Variants in ACBD6 observed in about 807,000 individuals in gnomAD.
ACBD6 encodes the protein acyl-CoA-binding domain-containing protein 6.
A neutral mutation model predicts 37.2 loss-of-function variants in ACBD6; 28 were observed. The observed-to-expected ratio is 0.75, with a 90% CI of 0.56 to 1.03. The LOEUF is 1.03. Ranked by LOEUF, ACBD6 falls within the 50% of genes least tolerant of loss-of-function variation. The pLI, the probability that ACBD6 is intolerant of heterozygous loss-of-function variation, is 0.00. For synonymous variants in ACBD6, 113 were observed against 126.8 expected (o/e 0.89, Z 0.73); for missense variants, 340 against 337.4 (o/e 1.01, Z -0.06).
chr1:180,320,268 C>A (rs1571355869), intron 6 of ACBD6, among the ~76,000 whole-genome samples: 1 of 152,160 alleles, frequency 6.6e-6, no homozygotes, highest in South Asian at 2.1e-4. Flanking sequence ...TATTGACCAC[C>A]TTTTCATATA....
chr1:180,296,931 C>T (rs2149281455), intron 7 of ACBD6, among the ~76,000 whole-genome samples: 1 of 152,056 alleles, frequency 6.6e-6, no homozygotes, highest in East Asian at 2.0e-4. Context: ...TCGAAACCAT[C>T]CTGGCTAACA....
intron 3 of ACBD6, among the ~76,000 whole-genome samples, chr1:180,437,179 A>G (rs192177290): frequency 4.6e-5 from 7 of 152,266 alleles, no homozygotes; most frequent in Non-Finnish European, 8.8e-5. Context: ...CCTTTATAAT[A>G]AACTGGCAAA....
chr1:180,318,659 C>T (rs1283903245), intron 6 of ACBD6, among the ~76,000 whole-genome samples: 2 of 152,074 alleles, frequency 1.3e-5, no homozygotes, highest in African/African-American at 2.4e-5. Flanking sequence ...AGAGCAAACC[C>T]ACCTTCACCG....
At chr1:180,320,719 T>G (rs1651038401) in intron 6 of ACBD6, among the ~76,000 whole-genome samples, 1 of 152,152 alleles carries the variant, frequency 6.6e-6, no homozygotes, top group African/African-American at 2.4e-5. Flanking sequence ...TATTAATCTC[T>G]TGTATATTTT....
Position 180,437,665 on chromosome 1 carries a change from G to A in ACBD6, c.385-7403C>T, listed in dbSNP as rs145623384. On this transcript the variant is annotated intron_variant, in intron 3 of 7. Transcript: ENST00000367595. ...CAGCAAAGTTGCAGGATACAAAATC[G>A]TCACACAAAAATCAGGTTAGGTCTG... Among the ~76,000 whole-genome samples the A allele has an allele frequency of 5.7e-3, 872 of 152,112 alleles. 6 individuals carry two copies. Among genetic ancestry groups the A allele is most frequent in the African/African-American group, 0.019 (808 of 41,494 alleles).
At chr1:180,349,267 C>CT (rs11318564) in intron 6 of ACBD6, among the ~76,000 whole-genome samples, 1 of 139,234 alleles carries the variant, frequency 7.2e-6, no homozygotes, top group Non-Finnish European at 1.6e-5. Flanking sequence ...ATTTTAATTT[C>CT]TTTTTTTTTT....
At chr1:180,288,606 A>G (rs970810381) in intron 7 of ACBD6, 89 bp from the exon 8 acceptor site, 1 of 1,437,442 alleles carries the variant, frequency 7.0e-7, no homozygotes, top group South Asian at 1.2e-5. Context: ...GTGCTGAGCA[A>G]TAAGGAATAC....
intron 2 of ACBD6, among the ~76,000 whole-genome samples, chr1:180,493,246 T>C (rs1171462811): frequency 9.9e-5 from 2 of 20,124 alleles, no homozygotes; most frequent in Non-Finnish European, 1.4e-4. Flanking sequence ...AAATTCTGTC[T>C]CAAAAAAAAA....
chr1:180,387,618 G>A (rs1439470683), intron 6 of ACBD6, among the ~76,000 whole-genome samples: 1 of 152,162 alleles, frequency 6.6e-6, no homozygotes, highest in African/African-American at 2.4e-5. Flanking sequence ...ACACCTTGAT[G>A]GGGAAGAGAA....
chr1:180,482,247 A>C (rs1196318970), intron 3 of ACBD6, among the ~76,000 whole-genome samples: 1 of 152,176 alleles, frequency 6.6e-6, no homozygotes, highest in Non-Finnish European at 1.5e-5. Context: ...TAACTAGCTG[A>C]TGTTACAAAA....
chr1:180,448,853 T>C (rs1054735701), intron 3 of ACBD6, among the ~76,000 whole-genome samples: 5 of 152,164 alleles, frequency 3.3e-5, no homozygotes, highest in Admixed American at 2.0e-4. Context: ...ATAAATCTGG[T>C]AGCTGTTGGT....
chr1:180,434,853 C>T, intron 3 of ACBD6: 1 of 749,824 alleles, frequency 1.3e-6, no homozygotes, highest in Non-Finnish European at 2.5e-6. Flanking sequence ...GGGATGTCTT[C>T]ACCAAGGGTT....
intron 5 of ACBD6, among the ~76,000 whole-genome samples, chr1:180,401,975 A>G (rs1214051727): frequency 6.6e-6 from 1 of 152,202 alleles, no homozygotes; most frequent in African/African-American, 2.4e-5. Flanking sequence ...CTGTCATTCT[A>G]TCAAACACAT....
At chr1:180,304,373 A>G (rs905415528) in intron 7 of ACBD6, among the ~76,000 whole-genome samples, 11 of 150,936 alleles carry the variant, frequency 7.3e-5, no homozygotes, top group African/African-American at 2.7e-4. Context: ...GTCTCAGCCC[A>G]AAATCTCCTT....
chr1:180,420,153 C>T (rs1382357700), intron 4 of ACBD6, among the ~76,000 whole-genome samples: 2 of 152,140 alleles, frequency 1.3e-5, no homozygotes, highest in African/African-American at 4.8e-5. Flanking sequence ...TCCATCAAGT[C>T]GTCTTCTGTT....
chr1:180,492,765 T>C (rs1214747052), intron 2 of ACBD6, among the ~76,000 whole-genome samples: 1 of 152,216 alleles, frequency 6.6e-6, no homozygotes, highest in Non-Finnish European at 1.5e-5. Context: ...ACTGTGCTTA[T>C]GGCATTTTGG....
intron 3 of ACBD6, among the ~76,000 whole-genome samples, chr1:180,442,596 T>C (rs1329086862): frequency 6.6e-6 from 1 of 152,232 alleles, no homozygotes; most frequent in Non-Finnish European, 1.5e-5. Flanking sequence ...ATTATATGAA[T>C]GCTACATTGC....
chr1:180,479,994 C>G (rs188431202), intron 3 of ACBD6, among the ~76,000 whole-genome samples: 99 of 151,264 alleles, frequency 6.5e-4, no homozygotes, highest in African/African-American at 2.2e-3. Flanking sequence ...GTCTCAAAAC[C>G]AAAGAAAAAA....
intron 3 of ACBD6, chr1:180,436,054 GT>G: frequency 1.6e-6 from 1 of 625,384 alleles, no homozygotes; most frequent in African/African-American, 1.8e-5. Flanking sequence ...TGCTAAATAT[GT>G]TAGACCTCCA....
Sources: gnomAD v4.1 joint callset for allele counts (sites outside exome capture counted in the v4.1 genomes callset) on GRCh38, gnomAD v4.1.1 for gene constraint, MANE v1.5 for transcripts, NCBI Gene and HGNC (gene_info 2026-07-23, HGNC 2026-07-21) for gene names.